Variants in GMDS observed in about 807,000 individuals in gnomAD.
GMDS encodes GDP-mannose 4,6-dehydratase.
A neutral mutation model predicts 49.9 loss-of-function variants in GMDS; 20 were observed. That is an observed-to-expected ratio of 0.40 (90% CI 0.28 to 0.58). GMDS has a LOEUF of 0.58. Ranked by LOEUF, GMDS falls within the 20% of genes least tolerant of loss-of-function variation. GMDS has a pLI of 0.42. For missense variants in GMDS, 362 were observed against 481.4 expected, an observed-to-expected ratio of 0.75 and a Z score of 2.32; for synonymous variants, 177 against 178.6, an observed-to-expected ratio of 0.99 and a Z score of 0.07.
intron 9 of GMDS, among the ~76,000 whole-genome samples, chr6:1,709,351 G>A (rs935113867): frequency 2.6e-5 from 4 of 152,234 alleles, no homozygotes; most frequent in African/African-American, 7.2e-5. Context: ...GAGGCTTCGT[G>A]GGGGAGCACG....
intron 7 of GMDS, among the ~76,000 whole-genome samples, chr6:1,851,573 G>A (rs1004922344): frequency 3.9e-5 from 6 of 152,042 alleles, no homozygotes; most frequent in Non-Finnish European, 7.4e-5. Context: ...ACAGCAGAAC[G>A]AGGCATTTAA....
chr6:1,909,642 A>C (rs1421419992), intron 7 of GMDS, among the ~76,000 whole-genome samples: 8 of 151,966 alleles, frequency 5.3e-5, no homozygotes, highest in Non-Finnish European at 1.0e-4. Flanking sequence ...GGCTACAGCC[A>C]CTCCAAAACC....
intron 7 of GMDS, among the ~76,000 whole-genome samples, chr6:1,822,482 C>T (rs1010968638): frequency 4.6e-5 from 7 of 151,924 alleles, no homozygotes; most frequent in Non-Finnish European, 7.4e-5. Context: ...AATAATCTGA[C>T]GAATTCCAAG....
chr6:1,804,415 C>T lies in GMDS; in HGVS notation c.772-61829G>A, dbSNP rs3800073. 2.0e-3 allele frequency among the ~76,000 whole-genome samples: 299 copies of T among 152,388 alleles called. 4 individuals are homozygous for T. The East Asian group carries it at 0.045, about 23-fold the overall frequency. Reference sequence around the variant, plus strand: ...CCCGGCCATCCCTGAGGCTCATCTCCACCACTGGTAACTGTGGCGTCTGCC... The same window carrying T: ...CCCGGCCATCCCTGAGGCTCATCTCTACCACTGGTAACTGTGGCGTCTGCC... On this transcript the variant is annotated intron_variant, in intron 7 of 10. Coordinates refer to ENST00000380815, the MANE Select transcript of GMDS (RefSeq NM_001500.4).
intron 7 of GMDS, among the ~76,000 whole-genome samples, chr6:1,890,149 G>A (rs1362262044): frequency 6.6e-6 from 1 of 151,976 alleles, no homozygotes; most frequent in African/African-American, 2.4e-5. Context: ...CCGAGAAACT[G>A]TCAAACTGCT....
At chr6:1,634,892 C>G (rs1217782120) in intron 9 of GMDS, among the ~76,000 whole-genome samples, 2 of 152,084 alleles carry the variant, frequency 1.3e-5, no homozygotes, top group Non-Finnish European at 2.9e-5. Flanking sequence ...CAGAAAAGGC[C>G]TCCCTGGGGT....
intron 1 of GMDS, among the ~76,000 whole-genome samples, chr6:2,161,000 A>T (rs1382128917): frequency 6.6e-6 from 1 of 152,314 alleles, no homozygotes; most frequent in East Asian, 1.9e-4. Flanking sequence ...AAACTTTGTC[A>T]AAAGGATTAT....
At chr6:2,163,862 C>T (rs907501204) in intron 1 of GMDS, among the ~76,000 whole-genome samples, 29 of 152,258 alleles carry the variant, frequency 1.9e-4, no homozygotes, top group Non-Finnish European at 2.6e-4. Context: ...GCCTAACAGA[C>T]GAAAGCAACC....
intron 1 of GMDS, among the ~76,000 whole-genome samples, chr6:2,133,554 A>T (rs1775849511): frequency 6.6e-6 from 1 of 152,232 alleles, no homozygotes; most frequent in Non-Finnish European, 1.5e-5. Context: ...CGTTCTTAAA[A>T]TATGTGCAGG....
chr6:1,703,183 G>A (rs998612543), intron 9 of GMDS, among the ~76,000 whole-genome samples: 1 of 152,190 alleles, frequency 6.6e-6, no homozygotes, highest in Non-Finnish European at 1.5e-5. Flanking sequence ...CGTGGGCACA[G>A]GGCATGGTAG....
intron 4 of GMDS, among the ~76,000 whole-genome samples, chr6:2,005,174 A>G (rs1767079842): frequency 6.6e-6 from 1 of 152,148 alleles, no homozygotes; most frequent in Non-Finnish European, 1.5e-5. Flanking sequence ...GAGTTTTAAT[A>G]AGGCTTGTGT....
rs144579758 is a variant in GMDS, at chr6:2,144,967, C to A, written c.103-20236G>T. ...AGGATAAGAATAAAAGAAGGACTTT[C>A]CAAGCAAAGGGACTGGGCAATAAAA... is the stretch of plus-strand genomic sequence containing the variant. On this transcript the variant is annotated intron_variant, in intron 1 of 10. Transcript: ENST00000380815. Among the ~76,000 whole-genome samples the A allele has an allele frequency of 6.1e-4, 93 of 152,224 alleles. 1 individual carries two copies. In the East Asian group the frequency reaches 0.016, roughly 26 times the overall value.
chr6:2,002,633 A>G (rs1178626066), intron 4 of GMDS, among the ~76,000 whole-genome samples: 1 of 152,218 alleles, frequency 6.6e-6, no homozygotes, highest in Non-Finnish European at 1.5e-5. Context: ...GTTCTAGGCC[A>G]TACAGCTCCA....
At chr6:2,098,552 T>C (rs1458185334) in intron 4 of GMDS, among the ~76,000 whole-genome samples, 1 of 152,140 alleles carries the variant, frequency 6.6e-6, no homozygotes, top group Admixed American at 6.5e-5. Context: ...GTAGAAAAAG[T>C]CTAATTTTTA....
intron 9 of GMDS, among the ~76,000 whole-genome samples, chr6:1,653,895 T>A (rs1763792464): frequency 6.6e-6 from 1 of 152,142 alleles, no homozygotes; most frequent in Non-Finnish European, 1.5e-5. Context: ...TGGCAATGAT[T>A]TCTTAGATAT....
intron 4 of GMDS, among the ~76,000 whole-genome samples, chr6:2,106,238 G>T (rs1774233604): frequency 6.6e-6 from 1 of 152,080 alleles, no homozygotes. Flanking sequence ...CACTGGTAAG[G>T]TATCCAATTA....
chr6:1,970,942 G>A (rs1764570870), intron 4 of GMDS, among the ~76,000 whole-genome samples: 3 of 138,410 alleles, frequency 2.2e-5, no homozygotes, highest in Non-Finnish European at 4.7e-5. Context: ...TCCTACACAC[G>A]TATCCCAGAC....
intron 1 of GMDS, among the ~76,000 whole-genome samples, chr6:2,239,962 G>T (rs1781537757): frequency 6.6e-6 from 1 of 152,152 alleles, no homozygotes; most frequent in African/African-American, 2.4e-5. Context: ...GCCTCCCAAA[G>T]TGCTGGGACC....
intron 4 of GMDS, among the ~76,000 whole-genome samples, chr6:2,113,597 T>C (rs966262250): frequency 6.6e-6 from 1 of 152,010 alleles, no homozygotes; most frequent in Non-Finnish European, 1.5e-5. Flanking sequence ...CGTCTGTAAC[T>C]CTGTAACTGT....
Sources: allele counts gnomAD v4.1 joint callset (sites outside exome capture counted in the v4.1 genomes callset), GRCh38; gene constraint gnomAD v4.1.1; transcripts MANE v1.5; gene names NCBI Gene and HGNC (gene_info 2026-07-23, HGNC 2026-07-21).